ROBO2: variants seen among roughly 807,000 people sequenced by gnomAD.
The protein encoded by ROBO2 is roundabout guidance receptor 2, also known as roundabout homolog 2.
In ROBO2, 53 loss-of-function variants were observed where a neutral mutation model predicts 160.8. That is an observed-to-expected ratio of 0.33 (90% CI 0.26 to 0.41). The LOEUF is 0.41. Among genes scored for constraint, ROBO2 ranks in the 10% least tolerant of loss-of-function variants. The pLI is 1.00. For missense variants in ROBO2, 1,577 were observed against 1,722.4 expected (o/e 0.92, Z 1.49); for synonymous variants, 664 against 611.7 (o/e 1.09, Z -1.26).
At chr3:77,087,877 CAT>C (rs1319833090) in intron 1 of ROBO2, among the ~76,000 whole-genome samples, 1 of 152,038 alleles carries the variant, frequency 6.6e-6, no homozygotes, top group African/African-American at 2.4e-5. Flanking sequence ...GACACACACA[CAT>C]ACATAAGAAT....
At chr3:77,295,400 A>G (rs1004928354) in intron 2 of ROBO2, among the ~76,000 whole-genome samples, 1 of 150,450 alleles carries the variant, frequency 6.6e-6, no homozygotes, top group Non-Finnish European at 1.5e-5. Flanking sequence ...CACTAAAGAC[A>G]TAAAGTAAAA....
chr3:76,868,147 A>G (rs577801138), intron 2 of ROBO2, among the ~76,000 whole-genome samples: 3 of 152,142 alleles, frequency 2.0e-5, no homozygotes, highest in African/African-American at 7.2e-5. Flanking sequence ...ACATATTTCA[A>G]TTTTGTAAGT....
At chr3:76,673,434 A>G (rs1457442258) in intron 2 of ROBO2, among the ~76,000 whole-genome samples, 11 of 152,124 alleles carry the variant, frequency 7.2e-5, no homozygotes. Context: ...GAACAAGTCC[A>G]TTTTCACAGG....
intron 2 of ROBO2, among the ~76,000 whole-genome samples, chr3:76,233,247 C>T (rs1002061358): frequency 3.9e-5 from 6 of 152,050 alleles, no homozygotes; most frequent in African/African-American, 1.4e-4. Flanking sequence ...CAGGTTCAAG[C>T]GATTCTCCTG....
chr3:76,598,308 T>C lies in ROBO2; in HGVS notation c.110-499706T>C, dbSNP rs1477524527. On this transcript the variant is annotated intron_variant, in intron 2 of 26. Coordinates refer to the ROBO2 transcript ENST00000487694. ...AGAGGAAAGTGGTTTTTTTTGTTTG[T>C]TTGTTTTGTTTTTTTGTTGTTGTTT... Among the ~76,000 whole-genome samples the C allele has an allele frequency of 2.6e-5, 4 of 152,126 alleles. No homozygotes were observed. The East Asian group carries it at 7.7e-4, about 29-fold the overall frequency.
rs555661811 is a variant in ROBO2 at position 77,612,397 on chromosome 3, A to T, written c.3293+4443A>T. ...TATTTGTTGCTTGCAATGGATTAAG[A>T]CGTGAACACCATAGAGATAACAGAC... On this transcript the variant is annotated intron_variant, in intron 21 of 25. Coordinates refer to ENST00000461745, the Ensembl canonical transcript of ROBO2. Among the ~76,000 whole-genome samples the T allele has an allele frequency of 9.8e-5, 15 of 152,316 alleles. No homozygotes were observed. In the South Asian group the frequency reaches 2.9e-3, roughly 29 times the overall value.
At chr3:76,021,818 T>C (rs1576516181) in intron 2 of ROBO2, among the ~76,000 whole-genome samples, 1 of 151,614 alleles carries the variant, frequency 6.6e-6, no homozygotes, top group African/African-American at 2.4e-5. Context: ...CCAATCAGGG[T>C]GGTGGTTTCT....
chr3:76,864,523 A>G (rs1559620305), intron 2 of ROBO2, among the ~76,000 whole-genome samples: 1 of 151,708 alleles, frequency 6.6e-6, no homozygotes, highest in East Asian at 1.9e-4. Context: ...ATTGCCAGAA[A>G]CTCAAGTTGA....
intron 2 of ROBO2, among the ~76,000 whole-genome samples, chr3:76,668,267 TA>T (rs35393443): frequency 6.6e-5 from 10 of 150,634 alleles, no homozygotes; most frequent in East Asian, 3.9e-4. Context: ...GCCCAGCTAT[TA>T]AAAAAAAATT....
At chr3:76,990,888 A>G (rs1307036330) in intron 2 of ROBO2, among the ~76,000 whole-genome samples, 1 of 152,176 alleles carries the variant, frequency 6.6e-6, no homozygotes, top group African/African-American at 2.4e-5. Context: ...ATACAGCTCC[A>G]GTAAACACAC....
At chr3:76,871,259 T>C (rs1202678318) in intron 2 of ROBO2, among the ~76,000 whole-genome samples, 1 of 152,138 alleles carries the variant, frequency 6.6e-6, no homozygotes, top group East Asian at 1.9e-4. Flanking sequence ...ATTTTGTCTT[T>C]GAAAAATACC....
chr3:76,273,847 C>T (rs527573967), intron 2 of ROBO2, among the ~76,000 whole-genome samples: 4 of 152,284 alleles, frequency 2.6e-5, no homozygotes, highest in Admixed American at 2.0e-4. Context: ...AAAACCATAT[C>T]ACTGGGTAAT....
At chr3:77,373,751 T>C (rs567502476) in intron 2 of ROBO2, among the ~76,000 whole-genome samples, 184 of 150,902 alleles carry the variant, frequency 1.2e-3, no homozygotes, top group Non-Finnish European at 2.1e-3. Context: ...GATGGGTTTA[T>C]CCAAAGGAAG....
chr3:76,219,171 A>T (rs1028394092), intron 2 of ROBO2, among the ~76,000 whole-genome samples: 1 of 152,204 alleles, frequency 6.6e-6, no homozygotes, highest in African/African-American at 2.4e-5. Context: ...TTCAAGATGG[A>T]TTAAAGACTT....
intron 21 of ROBO2, among the ~76,000 whole-genome samples, chr3:77,614,880 G>A (rs1018485922): frequency 3.9e-5 from 6 of 152,066 alleles, no homozygotes; most frequent in Admixed American, 6.5e-5. Context: ...TGCCTCTTCC[G>A]TGGCCAATTT....
chr3:76,273,511 G>T (rs1294462428), intron 2 of ROBO2, among the ~76,000 whole-genome samples: 1 of 152,046 alleles, frequency 6.6e-6, no homozygotes, highest in Non-Finnish European at 1.5e-5. Context: ...CATGGCTGGG[G>T]AGGCCTCAGG....
At chr3:76,959,917 A>T (rs1039630192) in intron 2 of ROBO2, among the ~76,000 whole-genome samples, 1 of 151,998 alleles carries the variant, frequency 6.6e-6, no homozygotes, top group Non-Finnish European at 1.5e-5. Flanking sequence ...CTGGTGCCTA[A>T]ATTTCACTTC....
At chr3:77,045,784 A>G (rs566833614) in intron 1 of ROBO2, among the ~76,000 whole-genome samples, 7 of 152,332 alleles carry the variant, frequency 4.6e-5, no homozygotes, top group Admixed American at 4.6e-4. Context: ...TCCCTCCACC[A>G]ACCACAAGAA....
chr3:76,112,192 T>G (rs997807289), intron 2 of ROBO2, among the ~76,000 whole-genome samples: 4 of 152,174 alleles, frequency 2.6e-5, no homozygotes, highest in African/African-American at 9.7e-5. Context: ...TTCCTATCTC[T>G]TAGGAGTCCT....
Sources: gnomAD v4.1 joint callset for allele counts (sites outside exome capture counted in the v4.1 genomes callset) on GRCh38, gnomAD v4.1.1 for gene constraint, MANE v1.5 for transcripts, NCBI Gene and HGNC (gene_info 2026-07-23, HGNC 2026-07-21) for gene names.